The following LOXL2 variants were observed in gnomAD, a reference collection of about 807,000 sequenced individuals.
LOXL2 encodes the protein lysyl oxidase like 2.
Under a neutral mutation model 93.0 loss-of-function variants are expected in LOXL2, and 70 were observed. The observed-to-expected ratio is 0.75, with a 90% CI of 0.62 to 0.92. The LOEUF is 0.92. LOXL2 is among the 40% of genes least tolerant of loss of function. LOXL2 has a pLI of 0.00. For synonymous variants in LOXL2, 438 were observed against 413.2 expected (o/e 1.06, Z -0.73); for missense variants, 973 against 1,054.9 (o/e 0.92, Z 1.08).
intron 11 of LOXL2, among the ~76,000 whole-genome samples, chr8:23,302,555 C>T (rs1056860522): frequency 2.0e-5 from 3 of 152,146 alleles, no homozygotes; most frequent in Non-Finnish European, 4.4e-5. Context: ...AGAGTGTAGG[C>T]CCATGTCTCT....
At chr8:23,353,395 T>G (rs1247947558) in intron 3 of LOXL2, among the ~76,000 whole-genome samples, 1 of 152,000 alleles carries the variant, frequency 6.6e-6, no homozygotes, top group Non-Finnish European at 1.5e-5. Flanking sequence ...AAGAAAGTTT[T>G]GAGGATTGAC....
rs774858464 is a variant in LOXL2, at chr8:23,340,999, C to A, written c.736G>T (p.Val246Leu). ...TTGGTGCAGTCCTCTTACTTGTACA[C>A]TTTGGTATTGTATGTCCTCTCCCCA... ...FPGERTYNTK[V>L]YKMFASRRKQ... Residue 246 changes from valine to leucine, a missense_variant, in exon 4 of 14, where the codon GTG becomes TTG. Physicochemically the swap from Val to Leu is conservative, Grantham distance 32. Transcript: ENST00000389131. The A allele has an allele frequency of 2.5e-6, 4 of 1,614,096 alleles. No homozygotes were observed. The South Asian group carries it at 4.4e-5, about 18-fold the overall frequency.
At chr8:23,380,534 T>A (rs985971709) in intron 1 of LOXL2, among the ~76,000 whole-genome samples, 1 of 152,198 alleles carries the variant, frequency 6.6e-6, no homozygotes, top group African/African-American at 2.4e-5. Context: ...CGCTCCTGAA[T>A]TTTTTGCCTC....
In LOXL2 at chr8:23,319,980, C is replaced by T; in HGVS notation, c.1375G>A (p.Val459Met). ...EVLVERNGSL[V>M]WGMVCGQNWG... is the part of the protein sequence containing the mutation. ...TTTTGGCCACACACCATCCCCCACA[C>T]AAGGGACCCGTTTCTCTCCACCAGC... The change falls in exon 8 of 14, where the codon GTG (valine) becomes ATG (methionine). Residue 459 changes from valine (V) to methionine (M), a missense_variant. Transcript: ENST00000389131. 1 of 1,614,088 alleles carries T rather than the reference C, an allele frequency of 6.2e-7. No homozygotes were observed. The highest frequency in any genetic ancestry group is 1.1e-5 in the South Asian group (1 of 91,078).
chr8:23,343,541 G>A (rs1803921543), intron 3 of LOXL2, among the ~76,000 whole-genome samples: 1 of 152,204 alleles, frequency 6.6e-6, no homozygotes, highest in Admixed American at 6.5e-5. Context: ...AATGAACCAC[G>A]AGTTTGAACA....
intron 3 of LOXL2, among the ~76,000 whole-genome samples, chr8:23,354,891 T>C (rs1200082751): frequency 6.7e-6 from 1 of 149,582 alleles, no homozygotes; most frequent in Non-Finnish European, 1.5e-5. Context: ...CTGAGATCTA[T>C]CTTCCATCAC....
chr8:23,353,978 G>C (rs1348228300), intron 3 of LOXL2, among the ~76,000 whole-genome samples: 2 of 152,082 alleles, frequency 1.3e-5, no homozygotes, highest in East Asian at 1.9e-4. Flanking sequence ...TCCTCTAGAG[G>C]GGAATTTACA....
At chr8:23,360,631 C>T (rs1804274260) in intron 2 of LOXL2, among the ~76,000 whole-genome samples, 1 of 152,130 alleles carries the variant, frequency 6.6e-6, no homozygotes, top group African/African-American at 2.4e-5. Flanking sequence ...TTTTTCTTAT[C>T]AGTAAAGTGG....
chr8:23,317,405 C>A (rs531936266), intron 8 of LOXL2, among the ~76,000 whole-genome samples: 2 of 152,244 alleles, frequency 1.3e-5, no homozygotes, highest in South Asian at 4.1e-4. Flanking sequence ...ATGGCAGGTG[C>A]ACACAACTCA....
intron 9 of LOXL2, among the ~76,000 whole-genome samples, chr8:23,314,465 A>C (rs1803361717): frequency 7.8e-6 from 1 of 127,734 alleles, no homozygotes; most frequent in Non-Finnish European, 1.7e-5. Context: ...ATGCAGCCAT[A>C]AAAAATGATA....
chr8:23,343,241 C>T (rs538810927), intron 3 of LOXL2, among the ~76,000 whole-genome samples: 8 of 152,326 alleles, frequency 5.3e-5, no homozygotes, highest in East Asian at 3.9e-4. Context: ...CAACAGCTAC[C>T]GCAAAGCATG....
intron 6 of LOXL2, 70 bp from the exon 7 acceptor site, chr8:23,322,351 C>A: frequency 6.9e-7 from 1 of 1,438,900 alleles, no homozygotes; most frequent in South Asian, 1.3e-5. Flanking sequence ...CAAGAAAGCC[C>A]TGGACAATAA....
chr8:23,328,255 C>T, intron 6 of LOXL2, 127 bp downstream of exon 6: 2 of 969,520 alleles, frequency 2.1e-6, no homozygotes, highest in South Asian at 1.5e-5. Flanking sequence ...GGATTCTCTC[C>T]CAGGCAGCCA....
chr8:23,310,726 G>C (rs1803309267), intron 9 of LOXL2, among the ~76,000 whole-genome samples: 2 of 152,286 alleles, frequency 1.3e-5, no homozygotes, highest in Admixed American at 1.3e-4. Context: ...TTCTTAACAG[G>C]GTCTTCCAGG....
chr8:23,370,687 C>CG (rs74759590), intron 1 of LOXL2: 11,198 of 152,314 alleles, frequency 0.074, 508 homozygotes, highest in South Asian at 0.11. Context: ...AATTCCACGG[C>CG]AGTGATCAAC....
intron 9 of LOXL2, among the ~76,000 whole-genome samples, chr8:23,313,012 G>A (rs904278072): frequency 1.1e-4 from 17 of 150,112 alleles, no homozygotes; most frequent in South Asian, 8.5e-4. Context: ...AACAAGAGAC[G>A]AACAGAGAGC....
rs746018634 is a variant in LOXL2, at chr8:23,309,910, G to C, written c.1638C>G (p.Thr546=). 6.8e-6 allele frequency: 10 copies of C among 1,475,164 alleles called. No individual in the cohort carries two copies. The highest frequency in any genetic ancestry group is 9.1e-6 in the Non-Finnish European group (10 of 1,103,438). The allele number at this position is 1,475,164 out of a possible 1,614,324, so 91.4% of individuals were successfully genotyped here. A position where few individuals can be genotyped will look rare whatever the true frequency, so the allele number is the denominator to read the frequency against. ...CCGCATTGAGGACCAGGTCAGGGGCGGCTGCGGAGGATGGCATGCTGGTCA... is the reference window on the plus strand; with the variant it reads ...CCGCATTGAGGACCAGGTCAGGGGCCGCTGCGGAGGATGGCATGCTGGTCA... The part of the protein sequence containing the change: ...QYGAGVACSE[T]APDLVLNAEM... The change falls in exon 10 of 14, where the codon ACC becomes ACG. Residue 546 remains threonine (T), a splice_region_variant and synonymous_variant. Coordinates refer to ENST00000389131, the MANE Select transcript of LOXL2 (RefSeq NM_002318.3).
At chr8:23,367,472 T>C (rs57388642) in intron 2 of LOXL2, among the ~76,000 whole-genome samples, 88 of 152,214 alleles carry the variant, frequency 5.8e-4, no homozygotes, top group African/African-American at 2.0e-3. Context: ...AAGCCCACAA[T>C]AGCAGGTTAG....
At chr8:23,379,963 C>T (rs901456705) in intron 1 of LOXL2, among the ~76,000 whole-genome samples, 23 of 149,884 alleles carry the variant, frequency 1.5e-4, no homozygotes, top group African/African-American at 2.3e-4. Flanking sequence ...CACTGTCCTA[C>T]GAGCCCCAGT....
Sources: gnomAD v4.1 joint callset for allele counts (sites outside exome capture counted in the v4.1 genomes callset) on GRCh38, gnomAD v4.1.1 for gene constraint, MANE v1.5 for transcripts, NCBI Gene and HGNC (gene_info 2026-07-23, HGNC 2026-07-21) for gene names.